DLC1: variants seen among roughly 807,000 people sequenced by gnomAD.
DLC1 encodes the protein DLC1 Rho GTPase activating protein.
In DLC1, 54 loss-of-function variants were observed where a neutral mutation model predicts 140.3. The ratio of observed to expected loss-of-function variants is 0.38; its 90% CI spans 0.31 to 0.48. DLC1 has a LOEUF of 0.48. DLC1 is among the 20% of genes least tolerant of loss of function. DLC1 has a pLI of 0.96. For missense variants in DLC1, 2,536 were observed against 1,907.0 expected, an observed-to-expected ratio of 1.33 and a Z score of -6.14; for synonymous variants, 986 against 728.1, an observed-to-expected ratio of 1.35 and a Z score of -5.70.
At chr8:13,304,079 G>A (rs1456432524) in intron 5 of DLC1, among the ~76,000 whole-genome samples, 3 of 152,056 alleles carry the variant, frequency 2.0e-5, no homozygotes, top group Non-Finnish European at 4.4e-5. Flanking sequence ...TGTTTAAATT[G>A]CAGTGAATTA....
At chr8:13,114,472 C>T (rs1386755249) in intron 6 of DLC1, among the ~76,000 whole-genome samples, 5 of 152,284 alleles carry the variant, frequency 3.3e-5, no homozygotes, top group East Asian at 3.9e-4. Flanking sequence ...TCCAAGCAAT[C>T]CCCAGGGCAC....
chr8:13,570,177 C>T (rs1804596026), intron 1 of DLC1, among the ~76,000 whole-genome samples: 1 of 152,050 alleles, frequency 6.6e-6, no homozygotes, highest in Non-Finnish European at 1.5e-5. Context: ...CCCAACTTTA[C>T]CTTTCTATTC....
At chr8:13,145,503 A>G (rs1823356148) in intron 5 of DLC1, among the ~76,000 whole-genome samples, 1 of 152,234 alleles carries the variant, frequency 6.6e-6, no homozygotes, top group South Asian at 2.1e-4. Context: ...TAATTATGCT[A>G]TGATCTAGCA....
At chr8:13,442,275 A>G (rs1276210504) in intron 2 of DLC1, among the ~76,000 whole-genome samples, 2 of 152,230 alleles carry the variant, frequency 1.3e-5, no homozygotes, top group Non-Finnish European at 2.9e-5. Context: ...GTGCAATACC[A>G]TTCAGGACAT....
intron 1 of DLC1, among the ~76,000 whole-genome samples, chr8:13,520,630 GA>G (rs1474229090): frequency 6.6e-6 from 1 of 151,788 alleles, no homozygotes; most frequent in Non-Finnish European, 1.5e-5. Context: ...ATTAAAAAAA[GA>G]AAAAAAGAAA....
chr8:13,125,372 C>A (rs770869159), intron 5 of DLC1, among the ~76,000 whole-genome samples: 4 of 152,198 alleles, frequency 2.6e-5, no homozygotes, highest in Non-Finnish European at 5.9e-5. Context: ...TGCTTCTGTG[C>A]GTGTCTATAG....
chr8:13,335,787 T>C (rs969413631), intron 4 of DLC1, among the ~76,000 whole-genome samples: 3 of 152,100 alleles, frequency 2.0e-5, no homozygotes, highest in African/African-American at 7.2e-5. Flanking sequence ...ATAGCATGGG[T>C]ATATAAAGTC....
intron 1 of DLC1, among the ~76,000 whole-genome samples, chr8:13,581,573 A>C (rs1275987664): frequency 1.3e-5 from 2 of 152,198 alleles, no homozygotes; most frequent in Non-Finnish European, 2.9e-5. Context: ...AAAGGTCTTT[A>C]TATCCACTGT....
At chr8:13,230,573 T>A (rs902042191) in intron 5 of DLC1, among the ~76,000 whole-genome samples, 5 of 151,740 alleles carry the variant, frequency 3.3e-5, no homozygotes, top group African/African-American at 4.8e-5. Context: ...CAGATAGATA[T>A]AGATTTTTTC....
At chr8:13,307,357 C>A (rs1309910276) in intron 4 of DLC1, among the ~76,000 whole-genome samples, 1 of 152,174 alleles carries the variant, frequency 6.6e-6, no homozygotes, top group Non-Finnish European at 1.5e-5. Flanking sequence ...AAGAAGTCAT[C>A]TGACTTTTCT....
intron 5 of DLC1, among the ~76,000 whole-genome samples, chr8:13,254,147 C>A (rs538874924): frequency 5.0e-4 from 76 of 151,784 alleles, no homozygotes; most frequent in African/African-American, 1.5e-3. Context: ...CTTCTCCCTC[C>A]TTTCCCCCAC....
chr8:13,218,415 C>T (rs925740463), intron 5 of DLC1, among the ~76,000 whole-genome samples: 5 of 151,902 alleles, frequency 3.3e-5, no homozygotes, highest in Admixed American at 6.6e-5. Flanking sequence ...GGCTTTTGTG[C>T]GTCAAAGGAA....
intron 1 of DLC1, among the ~76,000 whole-genome samples, chr8:13,594,046 G>C (rs960129062): frequency 1.3e-5 from 2 of 152,050 alleles, no homozygotes; most frequent in Non-Finnish European, 2.9e-5. Flanking sequence ...TGTGGTCCTA[G>C]CTAGTCAGGG....
At chr8:13,179,755 G>T (rs1336532530) in intron 5 of DLC1, among the ~76,000 whole-genome samples, 1 of 151,830 alleles carries the variant, frequency 6.6e-6, no homozygotes, top group African/African-American at 2.4e-5. Context: ...AACACCCCAG[G>T]AAGCTAATTA....
intron 5 of DLC1, among the ~76,000 whole-genome samples, chr8:13,156,429 C>T (rs1285073304): frequency 6.6e-6 from 1 of 152,198 alleles, no homozygotes; most frequent in Non-Finnish European, 1.5e-5. Flanking sequence ...TATATATTAG[C>T]TCTCACTATG....
intron 4 of DLC1, among the ~76,000 whole-genome samples, chr8:13,386,573 T>C (rs2117184751): frequency 6.6e-6 from 1 of 152,270 alleles, no homozygotes; most frequent in Non-Finnish European, 1.5e-5. Flanking sequence ...CAGACGTCAG[T>C]ATCTGAAAAC....
chr8:13,094,566 T>G (rs1463649179), intron 12 of DLC1, among the ~76,000 whole-genome samples, 193 bp downstream of exon 12: 1 of 152,022 alleles, frequency 6.6e-6, no homozygotes, highest in Non-Finnish European at 1.5e-5. Context: ...CTTGGGAGGC[T>G]GAGGTGGGAG....
chr8:13,425,853 T>C (rs1364603674), intron 2 of DLC1, among the ~76,000 whole-genome samples: 7 of 152,190 alleles, frequency 4.6e-5, no homozygotes, highest in Non-Finnish European at 8.8e-5. Context: ...TAGCTCACTG[T>C]AGCCTTGACC....
intron 5 of DLC1, among the ~76,000 whole-genome samples, chr8:13,248,012 A>T (rs780140390): frequency 7.2e-4 from 109 of 152,222 alleles, no homozygotes; most frequent in Non-Finnish European, 1.2e-3. Flanking sequence ...GCTGTCTACA[A>T]TGTTTAGTTA....
Sources: gnomAD v4.1 joint callset for allele counts (sites outside exome capture counted in the v4.1 genomes callset) on GRCh38, gnomAD v4.1.1 for gene constraint, MANE v1.5 for transcripts, NCBI Gene and HGNC (gene_info 2026-07-23, HGNC 2026-07-21) for gene names.